The following CAMTA1 variants were observed in gnomAD, a reference collection of about 807,000 sequenced individuals.
The protein encoded by CAMTA1 is calmodulin-binding transcription activator 1.
Under a neutral mutation model 170.9 loss-of-function variants are expected in CAMTA1, and 27 were observed. That is an observed-to-expected ratio of 0.16 (90% CI 0.12 to 0.22). The LOEUF is 0.22. Ranked by LOEUF, CAMTA1 falls within the 10% of genes least tolerant of loss-of-function variation. The probability of loss-of-function intolerance (pLI) is 1.00; values close to 1 mark genes in which losing one functional copy is unlikely to be tolerated. For synonymous variants in CAMTA1, 833 were observed against 891.5 expected (o/e 0.93, Z 1.17); for missense variants, 1,619 against 2,217.2 (o/e 0.73, Z 5.42).
intron 3 of CAMTA1, among the ~76,000 whole-genome samples, chr1:6,849,991 T>A (rs2412291): frequency 0.13 from 18,151 of 144,698 alleles, 1,646 homozygotes; most frequent in Admixed American, 0.29. Context: ...GCCGAGATCA[T>A]GCAACTGCAA....
At position 7,426,756 on chromosome 1, in the gene CAMTA1, C is replaced by T. The variant is rs2091893802; in HGVS notation, c.439-41074C>T. Among the ~76,000 whole-genome samples, 1 of 152,142 alleles carries T rather than the reference C, an allele frequency of 6.6e-6. No homozygotes were observed. Among genetic ancestry groups the T allele is most frequent in the Non-Finnish European group, 1.5e-5 (1 of 68,036 alleles). Reference sequence around the variant, plus strand: ...GAGACGTGGGAGTTCCGAATGAGATCATTTTTGTGCCTGGTTGCAGCATAT... The same window carrying T: ...GAGACGTGGGAGTTCCGAATGAGATTATTTTTGTGCCTGGTTGCAGCATAT... On this transcript the variant is annotated intron_variant, in intron 5 of 22. Transcript: ENST00000303635. The surrounding 1 kb of genome is among the most constrained non-coding windows in gnomAD (Gnocchi z 4.8).
At chr1:7,671,579 TG>T (rs1368246504) in intron 10 of CAMTA1, among the ~76,000 whole-genome samples, 3 of 152,082 alleles carry the variant, frequency 2.0e-5, no homozygotes, top group Admixed American at 2.0e-4. Context: ...GGAGATGGGG[TG>T]GTGATGGGAG....
chr1:7,467,966 T>C, intron 6 of CAMTA1, 65 bp downstream of exon 6: 1 of 1,379,152 alleles, frequency 7.3e-7, no homozygotes, highest in Non-Finnish European at 1.0e-6. Context: ...TGGAGGGCAC[T>C]GAGGGCGCGG....
At chr1:7,153,642 A>T (rs995530143) in intron 4 of CAMTA1, among the ~76,000 whole-genome samples, 1 of 152,110 alleles carries the variant, frequency 6.6e-6, no homozygotes, top group Non-Finnish European at 1.5e-5. Context: ...AGTGACCGGC[A>T]ACCTCCCACC....
intron 3 of CAMTA1, among the ~76,000 whole-genome samples, chr1:6,920,096 C>T (rs1012041659): frequency 6.6e-6 from 1 of 152,196 alleles, no homozygotes; most frequent in South Asian, 2.1e-4. Flanking sequence ...TCCAGAGTCT[C>T]ATCTGAGACA....
At chr1:7,453,267 A>G (rs1575414008) in intron 5 of CAMTA1, among the ~76,000 whole-genome samples, 1 of 152,358 alleles carries the variant, frequency 6.6e-6, no homozygotes, top group South Asian at 2.1e-4. Flanking sequence ...CACATGGCCC[A>G]GAATGAGCCA....
Position 7,548,797 on chromosome 1 carries a change from G to A in CAMTA1, c.510+80896G>A, listed in dbSNP as rs572282345. Among the ~76,000 whole-genome samples, 6 of 100,354 alleles carry A rather than the reference G, an allele frequency of 6.0e-5. 2 individuals are homozygous for A. Among genetic ancestry groups the A allele is most frequent in the Admixed American group, 1.9e-4 (2 of 10,320 alleles). The allele number at this position is 100,354 out of a possible 152,430, so 65.8% of individuals were successfully genotyped here. On this transcript the variant is annotated intron_variant, in intron 6 of 22. Coordinates refer to ENST00000303635, the MANE Select transcript of CAMTA1 (RefSeq NM_015215.4). ...GCCCATGGAGGTGTCCCTTAGGGGCGGAGGTGCTGGTGGAGGGCACCCCTT... is the reference window on the plus strand; with the variant it reads ...GCCCATGGAGGTGTCCCTTAGGGGCAGAGGTGCTGGTGGAGGGCACCCCTT...
At position 7,547,913 on chromosome 1, in the gene CAMTA1, T is replaced by C. The variant is rs987578312; in HGVS notation, c.510+80012T>C. ...CCACTCACCCGTCAATATGCCCTTA[T>C]GCTGTTGTAAGGAGGATTCTGAAGC... On this transcript the variant is annotated intron_variant, in intron 6 of 22. Coordinates refer to ENST00000303635, the MANE Select transcript of CAMTA1 (RefSeq NM_015215.4). This position sits in a 1 kb window ranked among gnomAD's most constrained non-coding sequence, Gnocchi z 5.7. 6.6e-6 allele frequency among the ~76,000 whole-genome samples: 1 copy of C among 152,092 alleles called. No homozygotes were observed. The highest frequency in any genetic ancestry group is 2.4e-5 in the African/African-American group (1 of 41,422).
intron 6 of CAMTA1, among the ~76,000 whole-genome samples, chr1:7,618,464 AGCTTTCTCCCTG>A (rs1255657337): frequency 6.6e-6 from 1 of 152,210 alleles, no homozygotes; most frequent in African/African-American, 2.4e-5. Flanking sequence ...AAAAGACGTC[AGCTTTCTCCCTG>A]GCTTGGGGCC....
chr1:7,497,589 C>T (rs1330639196), intron 6 of CAMTA1, among the ~76,000 whole-genome samples: 1 of 152,198 alleles, frequency 6.6e-6, no homozygotes, highest in Non-Finnish European at 1.5e-5. Flanking sequence ...GGAAATCTCT[C>T]ACGTCACATT....
chr1:7,136,961 A>T lies in CAMTA1; in HGVS notation c.302+45590A>T, dbSNP rs2148581275. 2.0e-5 allele frequency among the ~76,000 whole-genome samples: 3 copies of T among 152,288 alleles called. No individual in the cohort carries two copies. In the Middle Eastern group the frequency reaches 0.01, roughly 518 times the overall value. ...TACATGCTGATGACCTCAAATGTGT[A>T]ATTCTAGCCCTGGCTTTCCCCTGGC... On this transcript the variant is annotated intron_variant, in intron 4 of 22. Transcript: ENST00000303635.
intron 3 of CAMTA1, among the ~76,000 whole-genome samples, chr1:6,930,230 G>T (rs374076065): frequency 1.3e-5 from 2 of 152,062 alleles, no homozygotes; most frequent in African/African-American, 4.8e-5. Flanking sequence ...AATCACTGTC[G>T]ACTCGCCTGC....
At chr1:6,867,433 C>G (rs1666975314) in intron 3 of CAMTA1, among the ~76,000 whole-genome samples, 1 of 151,986 alleles carries the variant, frequency 6.6e-6, no homozygotes. Context: ...AACAGACCAT[C>G]TTGGAAGAGT....
At chr1:7,103,823 T>G (rs1050718206) in intron 4 of CAMTA1, among the ~76,000 whole-genome samples, 3 of 101,764 alleles carry the variant, frequency 2.9e-5, no homozygotes, top group African/African-American at 1.7e-4. Flanking sequence ...ACTACACACA[T>G]GCACACACAA....
chr1:7,100,986 C>T (rs1021567061), intron 4 of CAMTA1, among the ~76,000 whole-genome samples: 9 of 152,198 alleles, frequency 5.9e-5, no homozygotes, highest in African/African-American at 1.2e-4. Flanking sequence ...GGAGACTGCC[C>T]GCCCAGGGTG....
chr1:6,802,539 C>G (rs1198385948), intron 1 of CAMTA1, among the ~76,000 whole-genome samples: 1 of 152,166 alleles, frequency 6.6e-6, no homozygotes, highest in African/African-American at 2.4e-5. Flanking sequence ...CTGTCCCCAT[C>G]AAACAGTGTA....
chr1:7,262,951 C>T (rs973765567), intron 5 of CAMTA1, among the ~76,000 whole-genome samples: 1 of 152,190 alleles, frequency 6.6e-6, no homozygotes, highest in Non-Finnish European at 1.5e-5. Flanking sequence ...GGTGCAGAAC[C>T]GATCACACTT....
intron 5 of CAMTA1, among the ~76,000 whole-genome samples, chr1:7,312,788 C>G (rs191716595): frequency 8.7e-4 from 132 of 152,270 alleles, no homozygotes; most frequent in Non-Finnish European, 1.5e-3. Flanking sequence ...TTCCTGAGCT[C>G]TGCCAATTCA....
At chr1:7,221,609 G>A (rs996990538) in intron 4 of CAMTA1, among the ~76,000 whole-genome samples, 7 of 152,086 alleles carry the variant, frequency 4.6e-5, no homozygotes, top group African/African-American at 1.7e-4. Flanking sequence ...CTCCAGGCCC[G>A]TGGAATGGGG....
Sources: allele counts gnomAD v4.1 joint callset (sites outside exome capture counted in the v4.1 genomes callset), GRCh38; gene constraint gnomAD v4.1.1; non-coding constraint Gnocchi (gnomAD v3.1); transcripts MANE v1.5; gene names NCBI Gene and HGNC (gene_info 2026-07-23, HGNC 2026-07-21).